Variants in NCKAP5 observed in about 807,000 individuals in gnomAD.
NCKAP5 encodes the protein nck-associated protein 5.
NCKAP5 carries 92 observed loss-of-function variants against 167.0 expected under a neutral mutation model. That is an observed-to-expected ratio of 0.55 (90% CI 0.47 to 0.66). The LOEUF (loss-of-function observed/expected upper bound fraction) is 0.66. Ranked by LOEUF, NCKAP5 falls within the 30% of genes least tolerant of loss-of-function variation. The pLI is 0.00. For missense variants in NCKAP5, 2,378 were observed against 2,315.0 expected, an observed-to-expected ratio of 1.03 and a Z score of -0.56; for synonymous variants, 891 against 877.4, an observed-to-expected ratio of 1.02 and a Z score of -0.27.
intron 3 of NCKAP5, among the ~76,000 whole-genome samples, chr2:133,435,932 A>C (rs1690448660): frequency 6.6e-6 from 1 of 152,162 alleles, no homozygotes; most frequent in Non-Finnish European, 1.5e-5. Context: ...TACGCGATCA[A>C]AACTGAATTT....
intron 17 of NCKAP5, among the ~76,000 whole-genome samples, chr2:132,731,509 A>G (rs571187661): frequency 1.1e-4 from 16 of 152,286 alleles, no homozygotes; most frequent in African/African-American, 3.4e-4. Context: ...TCCATATACC[A>G]GTATTTACAT....
chr2:132,956,060 A>G (rs2076333787), intron 8 of NCKAP5, among the ~76,000 whole-genome samples: 1 of 152,192 alleles, frequency 6.6e-6, no homozygotes, highest in Non-Finnish European at 1.5e-5. Context: ...AGAGTATTAC[A>G]CATCTCAAAA....
the NCKAP5 span, among the ~76,000 whole-genome samples, chr2:133,586,301 C>G: frequency 6.6e-6 from 1 of 152,144 alleles, no homozygotes; most frequent in South Asian, 2.1e-4. Flanking sequence ...CACCCTGAAC[C>G]CTCAGTCACT....
chr2:133,433,500 G>A (rs543547997), intron 3 of NCKAP5: 130 of 152,314 alleles, frequency 8.5e-4, no homozygotes, highest in African/African-American at 2.9e-3. Context: ...ACTTACATGT[G>A]TGTTGATAAA....
chr2:133,077,905 A>T (rs900073780), intron 6 of NCKAP5, among the ~76,000 whole-genome samples: 1 of 152,210 alleles, frequency 6.6e-6, no homozygotes, highest in South Asian at 2.1e-4. Flanking sequence ...GTCCTTTTCC[A>T]TCTCACCAAA....
chr2:133,260,334 T>C (rs138243136), intron 4 of NCKAP5, among the ~76,000 whole-genome samples: 1 of 152,348 alleles, frequency 6.6e-6, no homozygotes, highest in East Asian at 1.9e-4. Context: ...GCCTTCCACC[T>C]ATGCACAGAA....
chr2:133,142,749 T>A (rs1337607911), intron 5 of NCKAP5, among the ~76,000 whole-genome samples: 4 of 152,104 alleles, frequency 2.6e-5, no homozygotes, highest in Non-Finnish European at 5.9e-5. Context: ...TACCAATTTG[T>A]CCAGGGTGAT....
the NCKAP5 span, among the ~76,000 whole-genome samples, chr2:133,650,326 A>T: frequency 2.6e-5 from 4 of 152,358 alleles, no homozygotes; most frequent in Non-Finnish European, 4.4e-5. Context: ...AACTAAAAAA[A>T]AGTCAAATGG....
intron 19 of NCKAP5, among the ~76,000 whole-genome samples, chr2:132,718,786 T>G (rs1443104363): frequency 6.6e-6 from 1 of 152,164 alleles, no homozygotes; most frequent in Non-Finnish European, 1.5e-5. Flanking sequence ...CACACATTTA[T>G]TAAATACCTA....
the NCKAP5 span, among the ~76,000 whole-genome samples, chr2:133,644,527 C>T: frequency 1.3e-5 from 2 of 152,208 alleles, no homozygotes. Flanking sequence ...TTCCTTCTTC[C>T]TCTGTAAATA....
chr2:133,568,492 A>G (rs528723551), upstream of NCKAP5: 3 of 152,270 alleles, frequency 2.0e-5, no homozygotes, highest in South Asian at 4.1e-4. Context: ...TCCGTGGACA[A>G]AGTCCCAAAT....
chr2:132,824,022 T>C (rs1430563805), intron 11 of NCKAP5, among the ~76,000 whole-genome samples: 2 of 152,132 alleles, frequency 1.3e-5, no homozygotes, highest in Admixed American at 1.3e-4. Context: ...ACACTGGAGC[T>C]CCCAAATGTA....
At chr2:133,549,822 A>AG (rs1212449857) in intron 2 of NCKAP5, among the ~76,000 whole-genome samples, 2 of 150,282 alleles carry the variant, frequency 1.3e-5, no homozygotes, top group African/African-American at 4.9e-5. Context: ...GTTTTTTGAA[A>AG]GGATCAACAA....
chr2:133,284,963 T>C (rs1215114363), intron 4 of NCKAP5, among the ~76,000 whole-genome samples: 6 of 152,212 alleles, frequency 3.9e-5, no homozygotes, highest in Admixed American at 2.0e-4. Context: ...AGCATGCCCA[T>C]TCCCAACCCA....
At chr2:133,671,308 G>A in the NCKAP5 span, among the ~76,000 whole-genome samples, 1 of 151,914 alleles carries the variant, frequency 6.6e-6, no homozygotes, top group East Asian at 1.9e-4. Context: ...TGGAGGTAGT[G>A]GTGGTGGCAT....
intron 3 of NCKAP5, among the ~76,000 whole-genome samples, chr2:133,508,436 T>C (rs1297794020): frequency 1.3e-5 from 2 of 152,214 alleles, no homozygotes; most frequent in Admixed American, 6.5e-5. Flanking sequence ...CTGAATAGTG[T>C]ATATGTGACA....
At chr2:133,569,452 G>GT (rs538332360), upstream of NCKAP5, among the ~76,000 whole-genome samples, 356 of 152,196 alleles carry the variant, frequency 2.3e-3, 1 homozygote, top group South Asian at 4.6e-3. Context: ...TTTTTAGTTT[G>GT]TTTTTTAGCC....
At chr2:133,500,066 T>A (rs912492528) in intron 3 of NCKAP5, among the ~76,000 whole-genome samples, 1 of 152,062 alleles carries the variant, frequency 6.6e-6, no homozygotes, top group African/African-American at 2.4e-5. Context: ...ATCTGAGTCA[T>A]CTTGAGGGGA....
At chr2:133,521,213 A>G (rs1419647210) in intron 2 of NCKAP5, among the ~76,000 whole-genome samples, 3 of 152,222 alleles carry the variant, frequency 2.0e-5, no homozygotes, top group Non-Finnish European at 4.4e-5. Context: ...TATCCTAAAG[A>G]TGCCTGGGAT....
Sources: allele counts gnomAD v4.1 joint callset (sites outside exome capture counted in the v4.1 genomes callset), GRCh38; gene constraint gnomAD v4.1.1; transcripts MANE v1.5; gene names NCBI Gene and HGNC (gene_info 2026-07-23, HGNC 2026-07-21).